ZBTB16: variants seen among roughly 807,000 people sequenced by gnomAD.
ZBTB16 encodes the protein zinc finger and BTB domain-containing protein 16.
ZBTB16 carries 8 observed loss-of-function variants against 56.8 expected under a neutral mutation model. The ratio of observed to expected loss-of-function variants is 0.14; its 90% CI spans 0.08 to 0.25. ZBTB16 has a LOEUF of 0.25. Ranked by LOEUF, ZBTB16 falls within the 10% of genes least tolerant of loss-of-function variation. The pLI, the probability that ZBTB16 is intolerant of heterozygous loss-of-function variation, is 1.00. For synonymous variants in ZBTB16, 363 were observed against 368.5 expected (o/e 0.98, Z 0.17); for missense variants, 625 against 903.0 (o/e 0.69, Z 3.95).
chr11:114,243,275 T>G (rs547401152), intron 5 of ZBTB16, among the ~76,000 whole-genome samples: 1 of 152,218 alleles, frequency 6.6e-6, no homozygotes, highest in South Asian at 2.1e-4. Context: ...GAGCGTATAC[T>G]TGTAAAAACC....
chr11:114,100,305 G>A (rs1591665292), intron 2 of ZBTB16, among the ~76,000 whole-genome samples: 2 of 152,286 alleles, frequency 1.3e-5, no homozygotes, highest in South Asian at 4.1e-4. Context: ...AGGTAGCTTG[G>A]GGTAGGAAGA....
chr11:114,155,525 G>A (rs1942389256), intron 2 of ZBTB16, among the ~76,000 whole-genome samples: 1 of 152,198 alleles, frequency 6.6e-6, no homozygotes, highest in African/African-American at 2.4e-5. Flanking sequence ...GTTGTTACTG[G>A]GACCTTGGTC....
chr11:114,083,110 G>A (rs1939830839), intron 2 of ZBTB16, among the ~76,000 whole-genome samples: 2 of 152,234 alleles, frequency 1.3e-5, no homozygotes, highest in Non-Finnish European at 2.9e-5. Flanking sequence ...CCCCTCGCTG[G>A]TTCCACGGAT....
chr11:114,148,445 C>CTCTCTTTCTTTCTTTCTT lies in ZBTB16; in HGVS notation c.1269-7889_1269-7888insCTTTCTTTCTTTCTTTCT, dbSNP rs763868689. 4.2e-4 allele frequency among the ~76,000 whole-genome samples: 24 copies of CTCTCTTTCTTTCTTTCTT among 56,916 alleles called. 4 individuals are homozygous for CTCTCTTTCTTTCTTTCTT. Among genetic ancestry groups the CTCTCTTTCTTTCTTTCTT allele is most frequent in the South Asian group, 1.6e-3 (2 of 1,264 alleles). 37.3% of individuals were successfully genotyped at this position (56,916 alleles called of 152,430 possible). On this transcript the variant is annotated intron_variant, in intron 2 of 6. Coordinates refer to ENST00000335953, the MANE Select transcript of ZBTB16 (RefSeq NM_006006.6). ...CCTCCCTCTCTCTCTCTTTCTCTCT[C>CTCTCTTTCTTTCTTTCTT]TCTGTCTGTCTGTCTCTCTCTCTCT... is the stretch of plus-strand genomic sequence containing the variant.
intron 4 of ZBTB16, among the ~76,000 whole-genome samples, chr11:114,239,899 C>T (rs928937742): frequency 6.6e-6 from 1 of 152,226 alleles, no homozygotes; most frequent in African/African-American, 2.4e-5. Flanking sequence ...CAGATCCCAA[C>T]TCTGCCTCTT....
intron 2 of ZBTB16, among the ~76,000 whole-genome samples, chr11:114,119,852 G>A (rs1446687655): frequency 5.3e-5 from 8 of 152,176 alleles, no homozygotes; most frequent in African/African-American, 1.7e-4. Context: ...GCTAGCAAGC[G>A]GTGGAGCGAG....
chr11:114,242,106 G>A, intron 4 of ZBTB16, 61 bp from the exon 5 acceptor site: 1 of 1,605,072 alleles, frequency 6.2e-7, no homozygotes, highest in Non-Finnish European at 8.5e-7. Flanking sequence ...ACTCCAGATG[G>A]GTAAAGAATG....
At chr11:114,235,784 C>T (rs562428568) in intron 4 of ZBTB16, among the ~76,000 whole-genome samples, 1 of 141,546 alleles carries the variant, frequency 7.1e-6, no homozygotes, top group East Asian at 2.0e-4. Context: ...TTCCTTCCTT[C>T]CTTCTCCTTT....
At chr11:114,092,798 C>G (rs1263445607) in intron 2 of ZBTB16, among the ~76,000 whole-genome samples, 1 of 152,126 alleles carries the variant, frequency 6.6e-6, no homozygotes, top group East Asian at 1.9e-4. Flanking sequence ...GGCCATGGTC[C>G]TTTTATGAGT....
intron 2 of ZBTB16, among the ~76,000 whole-genome samples, chr11:114,115,492 C>T (rs982628744): frequency 2.6e-5 from 4 of 152,022 alleles, no homozygotes; most frequent in African/African-American, 9.7e-5. Context: ...CACATTCTTC[C>T]AAGGAGAGAG....
At chr11:114,201,502 T>C (rs615119) in intron 4 of ZBTB16, among the ~76,000 whole-genome samples, 37,116 of 152,208 alleles carry the variant, frequency 0.24, 4,539 homozygotes, top group Non-Finnish European at 0.26. Context: ...CCTTGGCGTT[T>C]CATCCCCGAC....
intron 3 of ZBTB16, among the ~76,000 whole-genome samples, chr11:114,166,200 ACGTGTG>A (rs757689009): frequency 8.4e-6 from 1 of 119,592 alleles, no homozygotes; most frequent in Non-Finnish European, 1.7e-5. Context: ...GGACTGGTCT[ACGTGTG>A]TGTGTGTGTG....
intron 2 of ZBTB16, among the ~76,000 whole-genome samples, chr11:114,128,008 C>T (rs1941557842): frequency 6.6e-6 from 1 of 152,100 alleles, no homozygotes; most frequent in African/African-American, 2.4e-5. Context: ...CCATTGCTAG[C>T]GACTCCCAGC....
At chr11:114,182,512 T>TAGCTAC (rs1158952479) in intron 3 of ZBTB16, among the ~76,000 whole-genome samples, 1 of 152,150 alleles carries the variant, frequency 6.6e-6, no homozygotes, top group Non-Finnish European at 1.5e-5. Flanking sequence ...TCTCGGCATA[T>TAGCTAC]AGCTACTGGA....
chr11:114,072,848 C>T (rs892733906), intron 2 of ZBTB16, among the ~76,000 whole-genome samples: 1 of 151,830 alleles, frequency 6.6e-6, no homozygotes, highest in African/African-American at 2.4e-5. Flanking sequence ...GTCAGGAGAT[C>T]GAGACCATCC....
chr11:114,215,188 C>G (rs775913455), intron 4 of ZBTB16, among the ~76,000 whole-genome samples: 1 of 152,256 alleles, frequency 6.6e-6, no homozygotes. Flanking sequence ...TATGACTTAC[C>G]TGATAACTAG....
At position 114,064,346 on chromosome 11, in the gene ZBTB16, C is replaced by T. The variant is rs1157615272; in HGVS notation, c.1046C>T (p.Pro349Leu). 1 of 1,614,064 alleles carries T rather than the reference C, an allele frequency of 6.2e-7. No individual in the cohort carries two copies. Among genetic ancestry groups the T allele is most frequent in the Non-Finnish European group, 8.5e-7 (1 of 1,180,032 alleles). The change falls in exon 2 of 7, where the codon CCG becomes CTG. Residue 349 changes from proline to leucine, a missense_variant. Physicochemically the swap from Pro to Leu is moderately conservative, Grantham distance 98 (BLOSUM62 -3). Coordinates refer to ENST00000335953, the MANE Select transcript of ZBTB16 (RefSeq NM_006006.6). The surrounding 1 kb of genome is among the most constrained non-coding windows in gnomAD (Gnocchi z 4.2). ...AAGGCTGACGCTGTATTGAGCATGC[C>T]GTCTTCCGTGACCTCTGGCCTCCAC... is the stretch of plus-strand genomic sequence containing the variant. ...NHKADAVLSM[P>L]SSVTSGLHVQ...
intron 4 of ZBTB16, among the ~76,000 whole-genome samples, chr11:114,223,047 G>A (rs1565694409): frequency 1.3e-5 from 2 of 152,192 alleles, no homozygotes; most frequent in African/African-American, 4.8e-5. Context: ...GTGCCCAGAA[G>A]TTGTTGTCAG....
intron 2 of ZBTB16, among the ~76,000 whole-genome samples, chr11:114,151,214 G>T (rs886864485): frequency 2.6e-5 from 4 of 152,150 alleles, no homozygotes; most frequent in Non-Finnish European, 5.9e-5. Flanking sequence ...CAAATTGATG[G>T]TCATAGAATC....
Sources: allele counts gnomAD v4.1 joint callset (sites outside exome capture counted in the v4.1 genomes callset), GRCh38; gene constraint gnomAD v4.1.1; non-coding constraint Gnocchi (gnomAD v3.1); transcripts MANE v1.5; gene names NCBI Gene and HGNC (gene_info 2026-07-23, HGNC 2026-07-21).